Variants in SYNE2 observed in about 807,000 individuals in gnomAD.
SYNE2 encodes spectrin repeat containing nuclear envelope protein 2, also known as nesprin-2.
In SYNE2, 431 loss-of-function variants were observed where a neutral mutation model predicts 856.3. The ratio of observed to expected loss-of-function variants is 0.50; its 90% CI spans 0.47 to 0.55. The LOEUF is 0.55. SYNE2 is among the 20% of genes least tolerant of loss of function. The pLI is 0.00. For missense variants in SYNE2, 8,129 were observed against 8,023.2 expected (o/e 1.01, Z -0.50); for synonymous variants, 2,923 against 2,872.3 (o/e 1.02, Z -0.56).
chr14:64,071,726 A>G (rs2097409514), intron 52 of SYNE2, among the ~76,000 whole-genome samples: 2 of 151,940 alleles, frequency 1.3e-5, no homozygotes. Flanking sequence ...TTAAAATGTA[A>G]CTAGCTGTGG....
intron 66 of SYNE2, among the ~76,000 whole-genome samples, chr14:64,118,687 G>C (rs2027093): frequency 0.38 from 57,067 of 151,482 alleles, 13,486 homozygotes; most frequent in African/African-American, 0.67. Context: ...ATGGCGAAAC[G>C]CCATCTCTAC....
At chr14:63,784,507 A>G (rs897358435) in intron 1 of SYNE2, among the ~76,000 whole-genome samples, 6 of 35,600 alleles carry the variant, frequency 1.7e-4, no homozygotes, top group Non-Finnish European at 3.5e-4. Flanking sequence ...AAAAACAAAC[A>G]AACAAACAAA....
chr14:63,959,287 C>CTTTTTTTTTTTTT (rs34198434), intron 8 of SYNE2, among the ~76,000 whole-genome samples: 3 of 81,382 alleles, frequency 3.7e-5, no homozygotes, highest in African/African-American at 5.2e-5. Flanking sequence ...TTTTCTTCTT[C>CTTTTTTTTTTTTT]TTTTTTTTTT....
At position 64,143,878 on chromosome 14, in the gene SYNE2, C is replaced by A. The variant is rs145018323; in HGVS notation, c.15413C>A (p.Thr5138Lys). Residue 5138 changes from threonine (T) to lysine (K), a missense_variant, in exon 83 of 116, where the codon ACG becomes AAG. Thr to Lys is a moderately conservative substitution (Grantham distance 78). Coordinates refer to ENST00000555002, the MANE Select transcript of SYNE2 (RefSeq NM_182914.3). ...GTAGAAAGCAAGCGCTATGAAAGAA[C>A]GGAGTTTGCAGAGCACCTGGGGGAG... ...CDVESKRYER[T>K]EFAEHLGEMN... 1.2e-6 allele frequency: 2 copies of A among 1,614,128 alleles called. No individual in the cohort carries two copies. Among genetic ancestry groups the A allele is most frequent in the Non-Finnish European group, 1.7e-6 (2 of 1,180,022 alleles).
chr14:63,956,362 C>T, intron 8 of SYNE2: 1 of 455,448 alleles, frequency 2.2e-6, no homozygotes, highest in East Asian at 6.9e-5. Context: ...GTATTTATTA[C>T]CTATGCTTTT....
rs1298609975 is a variant in SYNE2, at chr14:64,027,466, A to AT, written c.6405-17dup. On this transcript the variant is annotated splice_polypyrimidine_tract_variant and intron_variant, in intron 42 of 115. Transcript: ENST00000555002. ...TGCTAAATATCATTTAATTTATAAA[A>AT]TATTTTGTGAAATTTAGCCATCAAG... is the stretch of plus-strand genomic sequence containing the variant. 5.3e-6 allele frequency: 8 copies of AT among 1,518,994 alleles called. No individual in the cohort carries two copies. Among genetic ancestry groups the AT allele is most frequent in the Non-Finnish European group, 7.2e-6 (8 of 1,112,722 alleles). 94.1% of individuals were successfully genotyped at this position (1,518,994 alleles called of 1,614,324 possible).
At chr14:64,104,352 C>T (rs2097757366) in intron 64 of SYNE2, among the ~76,000 whole-genome samples, 1 of 151,946 alleles carries the variant, frequency 6.6e-6, no homozygotes, top group African/African-American at 2.4e-5. Flanking sequence ...CCTCTAGTCC[C>T]TCCTCCATCT....
At chr14:64,193,284 TCATGCCTGTAATCC>T (rs2098526328) in intron 99 of SYNE2, among the ~76,000 whole-genome samples, 1 of 152,200 alleles carries the variant, frequency 6.6e-6, no homozygotes, top group Non-Finnish European at 1.5e-5. Context: ...GCATAGCGGC[TCATGCCTGTAATCC>T]CAGCACTTTG....
intron 70 of SYNE2, among the ~76,000 whole-genome samples, chr14:64,124,205 C>CA (rs1054538567): frequency 2.0e-5 from 3 of 151,576 alleles, no homozygotes; most frequent in Non-Finnish European, 2.9e-5. Context: ...GACTCCGTCT[C>CA]AAAAAAAGAG....
At chr14:64,177,731 C>G (rs2098441381) in intron 96 of SYNE2, among the ~76,000 whole-genome samples, 1 of 152,164 alleles carries the variant, frequency 6.6e-6, no homozygotes, top group Admixed American at 6.5e-5. Context: ...GGGTTTTCTC[C>G]TTCAGGTCTT....
rs2098185097 is a variant in SYNE2 at position 64,146,166 on chromosome 14, A to C, written c.15582A>C (p.Lys5194Asn). 2 of 1,613,072 alleles carry C rather than the reference A, an allele frequency of 1.2e-6. No homozygotes were observed. The highest frequency in any genetic ancestry group is 1.7e-6 in the Non-Finnish European group (2 of 1,179,666). Residue 5194 changes from lysine (K) to asparagine (N), a missense_variant, in exon 84 of 116, where the codon AAA becomes AAC. Physicochemically the swap from Lys to Asn is moderately conservative, Grantham distance 94 (BLOSUM62 0). Coordinates refer to ENST00000555002, the MANE Select transcript of SYNE2 (RefSeq NM_182914.3). ...TGGAAGCACAAGAAGAGAGACTGAA[A>C]ACTTTACAAAAACCTGAAAGTGTGA... ...NWLEAQEERL[K>N]TLQKPESVIS... is the part of the protein sequence containing the mutation.
At chr14:64,178,189 C>T (rs1206131805) in intron 96 of SYNE2, among the ~76,000 whole-genome samples, 6 of 152,196 alleles carry the variant, frequency 3.9e-5, no homozygotes, top group Non-Finnish European at 7.3e-5. Context: ...TGTTATACTT[C>T]AAATTAGGCC....
At chr14:64,191,086 C>T (rs1025792914) in intron 99 of SYNE2, 2 of 694,654 alleles carry the variant, frequency 2.9e-6, no homozygotes, top group African/African-American at 1.8e-5. Flanking sequence ...ACAGGAGAAC[C>T]TATAAGGTGA....
At chr14:63,987,515 A>G (rs568240402) in intron 19 of SYNE2, among the ~76,000 whole-genome samples, 1 of 152,326 alleles carries the variant, frequency 6.6e-6, no homozygotes, top group Admixed American at 6.5e-5. Flanking sequence ...CATAAGTTAC[A>G]ACAAGATGGG....
rs368331005 is a variant in SYNE2 at position 64,219,347 on chromosome 14, G to T, written c.19797G>T (p.Met6599Ile). 2 of 1,614,002 alleles carry T rather than the reference G, an allele frequency of 1.2e-6. No individual in the cohort carries two copies. The highest frequency in any genetic ancestry group is 1.7e-6 in the Non-Finnish European group (2 of 1,180,038). ...AAAAAACTGAAGCAGAGCTGGAAAT[G>T]TTAAAGATGGCAAAGCCTCCCTCTG... Reference protein sequence around the residue: ...WLKKTEAELEMLKMAKPPSDI... With the variant: ...WLKKTEAELEILKMAKPPSDI... The change falls in exon 110 of 116, where the codon ATG becomes ATT. Residue 6599 changes from methionine to isoleucine, a missense_variant. By Grantham distance (10) the Met-to-Ile change is conservative. This residue lies in a region of SYNE2 where 5,410 missense variants were observed against 5,284.8 expected (regional missense o/e 1.02). Transcript: ENST00000555002.
intron 1 of SYNE2, among the ~76,000 whole-genome samples, chr14:63,908,509 G>A (rs1595568705): frequency 6.6e-6 from 1 of 152,146 alleles, no homozygotes; most frequent in African/African-American, 2.4e-5. Context: ...AAGGTGGGGC[G>A]AGGGGAAGAA....
chr14:64,144,805 A>T (rs1447805310), intron 83 of SYNE2, among the ~76,000 whole-genome samples: 1 of 152,168 alleles, frequency 6.6e-6, no homozygotes, highest in African/African-American at 2.4e-5. Flanking sequence ...AATGATGTGC[A>T]CAGAGTGTTC....
At position 64,144,050 on chromosome 14, in the gene SYNE2, CTAA is replaced by C. The variant is rs2098162226; in HGVS notation, c.15483+107_15483+109del. ...TCAATTAGTTGACTGATTATTAAGC[CTAA>C]TAATCATCTCAACTATAGCCCTTTT... is the stretch of plus-strand genomic sequence containing the variant. On this transcript the variant is annotated intron_variant, in intron 83 of 115. Transcript: ENST00000555002. 6.7e-6 allele frequency: 9 copies of C among 1,338,366 alleles called. 1 individual carries two copies. Among genetic ancestry groups the C allele is most frequent in the Middle Eastern group, 1.9e-4 (1 of 5,302 alleles). 82.9% of individuals were successfully genotyped at this position (1,338,366 alleles called of 1,614,324 possible).
Position 64,056,275 on chromosome 14 carries a change from T to A in SYNE2, c.10067+9T>A. The A allele has an allele frequency of 6.2e-7, 1 of 1,609,942 alleles. No homozygotes were observed. On this transcript the variant is annotated intron_variant, in intron 49 of 115. Transcript: ENST00000555002. ...GAAACTGAGGCAGAAAGGTAGGTCC[T>A]CTTCCAAAGGTAATCTTTAAGAACA...
Sources: allele counts gnomAD v4.1 joint callset (sites outside exome capture counted in the v4.1 genomes callset), GRCh38; gene constraint gnomAD v4.1.1; regional missense constraint gnomAD v4.1.1; transcripts MANE v1.5; gene names NCBI Gene and HGNC (gene_info 2026-07-23, HGNC 2026-07-21).